The following ETV1 variants were observed in gnomAD, a reference collection of about 807,000 sequenced individuals.
The protein encoded by ETV1 is ETS translocation variant 1.
In ETV1, 27 loss-of-function variants were observed where a neutral mutation model predicts 62.3. The observed-to-expected ratio is 0.43, with a 90% CI of 0.32 to 0.60. The LOEUF is 0.60. ETV1 is among the 20% of genes least tolerant of loss of function. ETV1 has a pLI of 0.06. For synonymous variants in ETV1, 222 were observed against 199.6 expected, an observed-to-expected ratio of 1.11 and a Z score of -0.94; for missense variants, 605 against 605.8, an observed-to-expected ratio of 1.00 and a Z score of 0.01.
chr7:13,939,094 A>C, intron 7 of ETV1, 23 bp downstream of exon 7: 1 of 1,605,298 alleles, frequency 6.2e-7, no homozygotes, highest in Non-Finnish European at 8.5e-7. Context: ...ACTATCCTAC[A>C]TACATACACC....
At chr7:13,930,960 C>A (rs188329950) in intron 9 of ETV1, among the ~76,000 whole-genome samples, 8 of 152,006 alleles carry the variant, frequency 5.3e-5, no homozygotes, top group Non-Finnish European at 1.0e-4. Flanking sequence ...GCCACCATGC[C>A]TGGCTAATTT....
intron 10 of ETV1, 45 bp from the exon 11 acceptor site, chr7:13,909,745 C>G (rs1783374036): frequency 7.0e-7 from 1 of 1,428,994 alleles, no homozygotes; most frequent in Middle Eastern, 1.8e-4. Context: ...AGAAATGAAG[C>G]TCACAAACAC....
chr7:13,980,630 A>T (rs1370964649), intron 5 of ETV1, among the ~76,000 whole-genome samples: 1 of 152,140 alleles, frequency 6.6e-6, no homozygotes, highest in Non-Finnish European at 1.5e-5. Flanking sequence ...GAGATTAAGC[A>T]TGTGGATTTT....
intron 12 of ETV1, among the ~76,000 whole-genome samples, chr7:13,901,921 T>A (rs561140435): frequency 4.2e-4 from 63 of 151,608 alleles, no homozygotes; most frequent in African/African-American, 1.4e-3. Flanking sequence ...TATCTAAGAG[T>A]TTTTCAATAG....
At chr7:13,970,902 T>G (rs561822106) in intron 6 of ETV1, among the ~76,000 whole-genome samples, 1 of 152,124 alleles carries the variant, frequency 6.6e-6, no homozygotes. Flanking sequence ...AACAGTAATC[T>G]AAGTATTTCT....
In ETV1 at chr7:13,931,550, G is replaced by T. The variant is rs768012173; in HGVS notation, c.754C>A (p.Pro252Thr). 3.2e-5 allele frequency: 51 copies of T among 1,613,926 alleles called. No individual in the cohort carries two copies. The highest frequency in any genetic ancestry group is 4.2e-5 in the Non-Finnish European group (50 of 1,179,902). The stretch of plus-strand genomic sequence containing the variant: ...GGTTCCTGTTTAATCATCAGAGGAG[G>T]GGGAAAGCTTTGGCTGGCCGCACTG... ...VGSAASQSFP[P>T]PLMIKQEPRD... The change falls in exon 9 of 14, where the codon CCT (proline) becomes ACT (threonine). Residue 252 changes from proline to threonine, a missense_variant. This residue lies in a region of ETV1 where 426 missense variants were observed against 377.8 expected (regional missense o/e 1.13). Coordinates refer to ENST00000430479, the MANE Select transcript of ETV1 (RefSeq NM_004956.5).
chr7:13,945,583 C>T (rs1359821934), intron 6 of ETV1, among the ~76,000 whole-genome samples: 3 of 152,176 alleles, frequency 2.0e-5, no homozygotes, highest in Non-Finnish European at 2.9e-5. Context: ...GCACAAAAGC[C>T]GTAGGCTACA....
At position 13,986,567 on chromosome 7, in the gene ETV1, C is replaced by T. The variant is rs1782569945; in HGVS notation, c.181+71G>A. ...TTAATTGGGCTGAATATTAAGACAG[C>T]AAGTTCAGGACTTCTTTTCTTTCTC... On this transcript the variant is annotated intron_variant, in intron 5 of 13. Coordinates refer to ENST00000430479, the MANE Select transcript of ETV1 (RefSeq NM_004956.5). 5 of 1,599,348 alleles carry T rather than the reference C, an allele frequency of 3.1e-6. No homozygotes were observed. The East Asian group carries it at 1.1e-4, about 36-fold the overall frequency.
At chr7:13,941,467 T>C (rs915499704) in intron 6 of ETV1, among the ~76,000 whole-genome samples, 1 of 152,194 alleles carries the variant, frequency 6.6e-6, no homozygotes, top group African/African-American at 2.4e-5. Context: ...TAAAAGCCAA[T>C]TGAAGGGCAG....
At chr7:13,907,975 T>C in intron 11 of ETV1, 1 of 354,530 alleles carries the variant, frequency 2.8e-6, no homozygotes, top group Admixed American at 3.8e-5. Flanking sequence ...GTTTTATTTA[T>C]CTCAGTTTTT....
In ETV1 at chr7:13,892,082, T is replaced by C. The variant is rs1397627794; in HGVS notation, c.*3784A>G. The C allele has an allele frequency of 4.3e-6, 1 of 232,270 alleles. No individual in the cohort carries two copies. Among genetic ancestry groups the C allele is most frequent in the African/African-American group, 2.2e-5 (1 of 45,318 alleles). 14.4% of individuals were successfully genotyped at this position (232,270 alleles called of 1,614,324 possible). On this transcript the variant is annotated 3_prime_UTR_variant, in exon 14 of 14. Transcript: ENST00000430479. Reference sequence around the variant, plus strand: ...AAGATAAGTTGACTCATTTTGCAATTGTTCTTTTGAGTAATAGACATATTT... The same window carrying C: ...AAGATAAGTTGACTCATTTTGCAATCGTTCTTTTGAGTAATAGACATATTT...
chr7:13,924,253 G>T (rs889620031), intron 9 of ETV1, among the ~76,000 whole-genome samples: 3 of 152,018 alleles, frequency 2.0e-5, no homozygotes. Context: ...AAAGAGCGAG[G>T]TCCAATGAGA....
Position 13,989,381 on chromosome 7 carries a change from G to A in ETV1, c.-201C>T. On this transcript the variant is annotated 5_prime_UTR_variant, in exon 2 of 14. Coordinates refer to ENST00000430479, the MANE Select transcript of ETV1 (RefSeq NM_004956.5). ...ACTCTCGATGTTTCCCTGCGCGGTC[G>A]GTGTACCCCGGGCAGCTCTGATTCG... 2 of 479,444 alleles carry A rather than the reference G, an allele frequency of 4.2e-6. No individual in the cohort carries two copies. The allele number at this position is 479,444 out of a possible 1,614,324, so 29.7% of individuals were successfully genotyped here.
chr7:13,909,736 GA>G, intron 10 of ETV1, 36 bp from the exon 11 acceptor site: 2 of 1,517,434 alleles, frequency 1.3e-6, no homozygotes, highest in Non-Finnish European at 1.8e-6. Context: ...ATTCATGATA[GA>G]AATGAAGCTC....
chr7:13,991,304 A>T (rs1782991688), upstream of ETV1: 3 of 152,312 alleles, frequency 2.0e-5, no homozygotes, highest in South Asian at 6.2e-4. Context: ...AGCGCCTGTA[A>T]TCTGAGCAAC....
chr7:13,935,324 C>T (rs1019785427), intron 8 of ETV1, among the ~76,000 whole-genome samples: 1 of 152,134 alleles, frequency 6.6e-6, no homozygotes, highest in East Asian at 1.9e-4. Flanking sequence ...AACCTAATTC[C>T]ATAAGCTACC....
chr7:13,989,911 T>A (rs1315300242), upstream of ETV1: 2 of 281,320 alleles, frequency 7.1e-6, no homozygotes, highest in Non-Finnish European at 1.3e-5. Context: ...ATTTCCTCTG[T>A]AACCCGCTGC....
At position 13,927,836 on chromosome 7, in the gene ETV1, A is replaced by G. The variant is rs527843012; in HGVS notation, c.802+3666T>C. Reference sequence around the variant, plus strand: ...CCTGTCAGAAAGATACAATTTTACCATTTAACTATTCAAGCAAAACACAAC... The same window carrying G: ...CCTGTCAGAAAGATACAATTTTACCGTTTAACTATTCAAGCAAAACACAAC... On this transcript the variant is annotated intron_variant, in intron 9 of 13. Transcript: ENST00000430479. 9.2e-5 allele frequency among the ~76,000 whole-genome samples: 14 copies of G among 152,334 alleles called. 1 individual carries two copies. The South Asian group carries it at 2.3e-3, about 25-fold the overall frequency.
intron 9 of ETV1, among the ~76,000 whole-genome samples, chr7:13,921,904 C>G (rs1784891018): frequency 6.6e-6 from 1 of 151,832 alleles, no homozygotes; most frequent in Non-Finnish European, 1.5e-5. Flanking sequence ...TCAATATTTT[C>G]TAAGGAATTA....
Sources: allele counts gnomAD v4.1 joint callset (sites outside exome capture counted in the v4.1 genomes callset), GRCh38; gene constraint gnomAD v4.1.1; regional missense constraint gnomAD v4.1.1; transcripts MANE v1.5; gene names NCBI Gene and HGNC (gene_info 2026-07-23, HGNC 2026-07-21).